Variants in NRXN3 observed in about 807,000 individuals in gnomAD.
The protein encoded by NRXN3 is neurexin III.
A neutral mutation model predicts 137.6 loss-of-function variants in NRXN3; 32 were observed. That is an observed-to-expected ratio of 0.23 (90% CI 0.18 to 0.31). NRXN3 has a LOEUF of 0.31. Among genes scored for constraint, NRXN3 ranks in the 10% least tolerant of loss-of-function variants. NRXN3 has a pLI of 1.00. For missense variants in NRXN3, 1,574 were observed against 2,062.5 expected, an observed-to-expected ratio of 0.76 and a Z score of 4.59; for synonymous variants, 798 against 784.5, an observed-to-expected ratio of 1.02 and a Z score of -0.29.
intron 8 of NRXN3, among the ~76,000 whole-genome samples, chr14:78,788,076 T>A (rs1230686990): frequency 6.6e-6 from 1 of 152,134 alleles, no homozygotes. Context: ...GGTTCAAGAT[T>A]TACGTAAGGG....
chr14:78,584,671 A>T (rs2097042318), intron 4 of NRXN3, among the ~76,000 whole-genome samples: 1 of 152,224 alleles, frequency 6.6e-6, no homozygotes, highest in Admixed American at 6.5e-5. Flanking sequence ...CTGTTGAAAT[A>T]CAAAAATAAC....
chr14:79,584,880 C>A (rs150352138), intron 16 of NRXN3, among the ~76,000 whole-genome samples: 163 of 152,194 alleles, frequency 1.1e-3, no homozygotes, highest in African/African-American at 3.8e-3. Flanking sequence ...AGCCTCTATT[C>A]GATTAATGAA....
intron 4 of NRXN3, among the ~76,000 whole-genome samples, chr14:78,599,161 A>G (rs1047822246): frequency 3.3e-5 from 5 of 152,248 alleles, no homozygotes; most frequent in Admixed American, 2.6e-4. Context: ...AGAATCCCCA[A>G]TTTACTGGGC....
chr14:78,304,373 C>G (rs995487145), intron 4 of NRXN3, among the ~76,000 whole-genome samples: 2 of 152,164 alleles, frequency 1.3e-5, no homozygotes, highest in Non-Finnish European at 2.9e-5. Flanking sequence ...AGTAGTAAAT[C>G]CATAATGGAA....
intron 17 of NRXN3, among the ~76,000 whole-genome samples, chr14:79,689,118 C>T (rs1394187061): frequency 2.0e-5 from 3 of 151,972 alleles, no homozygotes; most frequent in Non-Finnish European, 4.4e-5. Flanking sequence ...ATGTTTACTA[C>T]TCATAGGGCC....
chr14:79,376,809 G>A (rs758427589), intron 15 of NRXN3, among the ~76,000 whole-genome samples: 1 of 152,142 alleles, frequency 6.6e-6, no homozygotes, highest in Non-Finnish European at 1.5e-5. Flanking sequence ...TGTTTCTGAA[G>A]TGTTTCCTTC....
intron 20 of NRXN3, among the ~76,000 whole-genome samples, chr14:79,836,201 T>C (rs1474830635): frequency 2.6e-5 from 4 of 152,160 alleles, no homozygotes; most frequent in African/African-American, 9.7e-5. Flanking sequence ...GTTCTGTGCA[T>C]TGAAAGAACA....
At chr14:79,702,894 T>TTACCACTAAAGTGTATTCTTC (rs1253015249) in intron 19 of NRXN3, among the ~76,000 whole-genome samples, 2 of 150,710 alleles carry the variant, frequency 1.3e-5, no homozygotes, top group Admixed American at 1.3e-4. Flanking sequence ...AACAAGTCTT[T>TTACCACTAAAGTGTATTCTTC]TACCTTATGT....
chr14:79,127,067 G>C (rs36126926), intron 15 of NRXN3, among the ~76,000 whole-genome samples: 79,274 of 151,630 alleles, frequency 0.52, 22,393 homozygotes, highest in East Asian at 0.77. Context: ...TGTAGATTCT[G>C]GATATTAGCC....
chr14:78,698,933 A>G (rs2098253391), intron 6 of NRXN3, among the ~76,000 whole-genome samples: 1 of 152,042 alleles, frequency 6.6e-6, no homozygotes, highest in Non-Finnish European at 1.5e-5. Context: ...TTCTTTCTGC[A>G]TTATAGTCTT....
At chr14:79,696,648 A>G (rs2098736613) in intron 18 of NRXN3, among the ~76,000 whole-genome samples, 2 of 151,886 alleles carry the variant, frequency 1.3e-5, no homozygotes, top group Non-Finnish European at 1.5e-5. Flanking sequence ...GAGGAATTTT[A>G]GTTGGGTTTC....
At chr14:79,256,066 T>A (rs1482446750) in intron 15 of NRXN3, among the ~76,000 whole-genome samples, 1 of 152,078 alleles carries the variant, frequency 6.6e-6, no homozygotes. Context: ...CTACCCATAT[T>A]AAATGCATTT....
intron 4 of NRXN3, among the ~76,000 whole-genome samples, chr14:78,439,216 T>C (rs1351894002): frequency 1.3e-5 from 2 of 151,998 alleles, no homozygotes; most frequent in African/African-American, 4.8e-5. Flanking sequence ...GGAAGAATAG[T>C]TTGTATCTTG....
chr14:79,162,906 T>C (rs2060930379), intron 15 of NRXN3, among the ~76,000 whole-genome samples: 1 of 151,814 alleles, frequency 6.6e-6, no homozygotes, highest in Admixed American at 6.6e-5. Context: ...CTCCTCCTCT[T>C]TTTCCTTCTA....
At chr14:78,575,724 A>G (rs1428424704) in intron 4 of NRXN3, among the ~76,000 whole-genome samples, 1 of 152,244 alleles carries the variant, frequency 6.6e-6, no homozygotes, top group African/African-American at 2.4e-5. Context: ...AAAATGAAAC[A>G]ACAAATAGTG....
At chr14:78,820,465 G>C (rs1322438095) in intron 10 of NRXN3, among the ~76,000 whole-genome samples, 1 of 147,064 alleles carries the variant, frequency 6.8e-6, no homozygotes, top group Middle Eastern at 3.3e-3. Context: ...TTTTCTGGCT[G>C]TTCTGTTGAC....
chr14:79,046,404 G>T (rs747704152), intron 15 of NRXN3, among the ~76,000 whole-genome samples: 9 of 152,214 alleles, frequency 5.9e-5, no homozygotes, highest in Non-Finnish European at 1.0e-4. Flanking sequence ...CAAGGAGTAA[G>T]TATGCTTGTG....
intron 10 of NRXN3, among the ~76,000 whole-genome samples, chr14:78,952,080 T>C (rs946280471): frequency 1.2e-4 from 19 of 152,178 alleles, no homozygotes; most frequent in Admixed American, 9.2e-4. Context: ...GAGACTTCTC[T>C]GTAGAAGACT....
intron 8 of NRXN3, among the ~76,000 whole-genome samples, chr14:78,768,623 AT>A (rs2098716693): frequency 3.9e-5 from 6 of 152,212 alleles, no homozygotes; most frequent in Admixed American, 3.9e-4. Context: ...AGATAAAAAT[AT>A]GTGTAAATAG....
Sources: gnomAD v4.1 joint callset for allele counts (sites outside exome capture counted in the v4.1 genomes callset) on GRCh38, gnomAD v4.1.1 for gene constraint, MANE v1.5 for transcripts, NCBI Gene and HGNC (gene_info 2026-07-23, HGNC 2026-07-21) for gene names.